The following PSD3 variants were observed in gnomAD, a reference collection of about 807,000 sequenced individuals.
PSD3 encodes PH and SEC7 domain-containing protein 3.
In PSD3, 49 loss-of-function variants were observed where a neutral mutation model predicts 105.5. The ratio of observed to expected loss-of-function variants is 0.46; its 90% CI spans 0.37 to 0.59. PSD3 has a LOEUF of 0.59. Among genes scored for constraint, PSD3 ranks in the 20% least tolerant of loss-of-function variants. The probability of loss-of-function intolerance (pLI) is 0.00; values close to 1 mark genes in which losing one functional copy is unlikely to be tolerated. For missense variants in PSD3, 1,561 were observed against 1,263.8 expected (o/e 1.24, Z -3.57); for synonymous variants, 557 against 457.8 (o/e 1.22, Z -2.77).
chr8:18,823,099 A>C (rs373206150), intron 4 of PSD3, among the ~76,000 whole-genome samples: 1 of 4,312 alleles, frequency 2.3e-4, no homozygotes, highest in Non-Finnish European at 9.3e-3. Context: ...GAGAGACAGG[A>C]AAAAAAAAAA....
At chr8:19,073,590 C>A (rs1829346444) in intron 1 of PSD3, among the ~76,000 whole-genome samples, 1 of 132,904 alleles carries the variant, frequency 7.5e-6, no homozygotes, top group Non-Finnish European at 1.6e-5. Flanking sequence ...AAAAGATAGG[C>A]CTAAGAGGTC....
At chr8:18,828,544 TA>T in intron 4 of PSD3, among the ~76,000 whole-genome samples, 2 of 152,170 alleles carry the variant, frequency 1.3e-5, no homozygotes, top group South Asian at 4.2e-4. Context: ...CTCATGTCTG[TA>T]ATCCCAGCAC....
At chr8:18,776,594 T>G (rs989907944) in intron 8 of PSD3, among the ~76,000 whole-genome samples, 1 of 151,988 alleles carries the variant, frequency 6.6e-6, no homozygotes, top group Non-Finnish European at 1.5e-5. Context: ...GCCAGGCTGG[T>G]CTCGAACTTC....
intron 9 of PSD3, among the ~76,000 whole-genome samples, chr8:18,666,717 T>A (rs1336072198): frequency 7.0e-6 from 1 of 142,080 alleles, no homozygotes; most frequent in Non-Finnish European, 1.5e-5. Flanking sequence ...TCACTATTGC[T>A]TTTTTTTGGG....
At chr8:18,615,840 A>G (rs1391387967) in intron 11 of PSD3, among the ~76,000 whole-genome samples, 2 of 152,226 alleles carry the variant, frequency 1.3e-5, no homozygotes, top group African/African-American at 2.4e-5. Context: ...GACAGAGCGA[A>G]GACCCTGCTG....
intron 10 of PSD3, 36 bp from the exon 11 acceptor site, chr8:18,632,842 C>T (rs372206781): frequency 3.1e-5 from 44 of 1,436,198 alleles, no homozygotes; most frequent in Non-Finnish European, 3.8e-5. Flanking sequence ...GAGTCAAGCA[C>T]CTATCATAAT....
rs143735133 is a variant in PSD3 at position 18,906,453 on chromosome 8, C to T, written c.130+29581G>A. On this transcript the variant is annotated intron_variant, in intron 2 of 15. Transcript: ENST00000327040. ...GGGGAAATTCATAGTTAGGAGCAAA[C>T]GGGTGAGGGGAGAGCAGGAATATTA... is the stretch of plus-strand genomic sequence containing the variant. Among the ~76,000 whole-genome samples the T allele has an allele frequency of 5.9e-5, 9 of 152,166 alleles. No individual in the cohort carries two copies. The East Asian group carries it at 9.6e-4, about 16-fold the overall frequency.
chr8:18,930,060 G>A (rs1821638185), intron 2 of PSD3, among the ~76,000 whole-genome samples: 1 of 152,172 alleles, frequency 6.6e-6, no homozygotes, highest in Admixed American at 6.5e-5. Flanking sequence ...AGGAACTGCA[G>A]AAGTAAAAAC....
intron 9 of PSD3, among the ~76,000 whole-genome samples, chr8:18,698,835 T>C (rs965014473): frequency 3.3e-5 from 5 of 152,218 alleles, no homozygotes; most frequent in Non-Finnish European, 7.3e-5. Flanking sequence ...TTAGCTTTTA[T>C]ATGCAGGAAC....
intron 1 of PSD3, among the ~76,000 whole-genome samples, chr8:19,063,814 G>T: frequency 6.6e-6 from 1 of 151,824 alleles, no homozygotes; most frequent in East Asian, 1.9e-4. Flanking sequence ...CTTATAATCC[G>T]GCAATTTCCT....
chr8:18,713,701 C>T (rs1392110082), intron 9 of PSD3, among the ~76,000 whole-genome samples: 1 of 152,216 alleles, frequency 6.6e-6, no homozygotes, highest in Non-Finnish European at 1.5e-5. Flanking sequence ...AACGGCCATA[C>T]TGCCCAAAAT....
At chr8:18,664,521 G>A (rs1335173718) in intron 9 of PSD3, among the ~76,000 whole-genome samples, 3 of 152,196 alleles carry the variant, frequency 2.0e-5, no homozygotes, top group African/African-American at 7.2e-5. Context: ...GGTTCGTGAG[G>A]TTTAAGGAAA....
In PSD3 at chr8:18,550,313, A is replaced by C. The variant is rs1300450036; in HGVS notation, c.2928+5896T>G. ...AGCAGCTGTTATCATTTAAAGATTAAAATTCAGAGCTCTTAGTCCTCTTTC... is the reference window on the plus strand; with the variant it reads ...AGCAGCTGTTATCATTTAAAGATTACAATTCAGAGCTCTTAGTCCTCTTTC... On this transcript the variant is annotated intron_variant, in intron 15 of 15. Transcript: ENST00000327040. Among the ~76,000 whole-genome samples, 3 of 152,204 alleles carry C rather than the reference A, an allele frequency of 2.0e-5. 1 individual carries two copies. Among genetic ancestry groups the C allele is most frequent in the Admixed American group, 2.0e-4 (3 of 15,278 alleles).
intron 11 of PSD3, among the ~76,000 whole-genome samples, chr8:18,602,516 T>C (rs898764104): frequency 3.3e-5 from 5 of 152,090 alleles, no homozygotes; most frequent in African/African-American, 1.2e-4. Context: ...AAACAACCTA[T>C]AATCCTCCCA....
At chr8:18,666,359 A>G (rs1369232885) in intron 9 of PSD3, among the ~76,000 whole-genome samples, 1 of 152,228 alleles carries the variant, frequency 6.6e-6, no homozygotes, top group East Asian at 1.9e-4. Context: ...CTGTGTAAAC[A>G]TAACTTCTAA....
chr8:18,751,115 C>G (rs1251747297), intron 9 of PSD3, among the ~76,000 whole-genome samples: 2 of 152,246 alleles, frequency 1.3e-5, no homozygotes, highest in East Asian at 3.9e-4. Flanking sequence ...CGGGGAGGCT[C>G]CGGCCGCACA....
At chr8:18,892,262 T>C (rs185179347) in intron 2 of PSD3, among the ~76,000 whole-genome samples, 7,071 of 151,828 alleles carry the variant, frequency 0.047, 203 homozygotes, top group South Asian at 0.081. Context: ...CTCGCTCTGT[T>C]GCCCAGGCTG....
chr8:18,707,801 T>C (rs867408239), intron 9 of PSD3, among the ~76,000 whole-genome samples: 1 of 152,124 alleles, frequency 6.6e-6, no homozygotes, highest in South Asian at 2.1e-4. Context: ...ATGGAAAAGT[T>C]TGGGATGGGA....
intron 1 of PSD3, among the ~76,000 whole-genome samples, chr8:19,066,610 A>G (rs913081863): frequency 2.0e-5 from 3 of 152,230 alleles, no homozygotes; most frequent in Non-Finnish European, 2.9e-5. Flanking sequence ...CCTGGTGTGC[A>G]GCTACCTGTA....
Sources: allele counts gnomAD v4.1 joint callset (sites outside exome capture counted in the v4.1 genomes callset), GRCh38; gene constraint gnomAD v4.1.1; transcripts MANE v1.5; gene names NCBI Gene and HGNC (gene_info 2026-07-23, HGNC 2026-07-21).